Variants in OXR1 observed in about 807,000 individuals in gnomAD.
The protein encoded by OXR1 is oxidation resistance 1, also known as oxidation resistance protein 1.
In OXR1, 41 loss-of-function variants were observed where a neutral mutation model predicts 104.6. That is an observed-to-expected ratio of 0.39 (90% CI 0.31 to 0.51). The LOEUF (loss-of-function observed/expected upper bound fraction) is 0.51. OXR1 is among the 20% of genes least tolerant of loss of function. OXR1 has a pLI of 0.77. For synonymous variants in OXR1, 348 were observed against 348.4 expected (o/e 1.00, Z 0.01); for missense variants, 955 against 1,031.9 (o/e 0.93, Z 1.02).
intron 2 of OXR1, among the ~76,000 whole-genome samples, chr8:106,465,408 C>T (rs574565394): frequency 7.2e-5 from 11 of 152,050 alleles, no homozygotes; most frequent in African/African-American, 1.9e-4. Context: ...CAGAGACTTT[C>T]GCTTTAACAC....
chr8:106,394,695 G>A (rs1817709474), intron 2 of OXR1, among the ~76,000 whole-genome samples: 1 of 152,026 alleles, frequency 6.6e-6, no homozygotes, highest in Admixed American at 6.6e-5. Context: ...CTACATATTT[G>A]ACTTCACTTA....
intron 3 of OXR1, among the ~76,000 whole-genome samples, chr8:106,634,154 A>G (rs1355764862): frequency 6.6e-6 from 1 of 152,202 alleles, no homozygotes; most frequent in Admixed American, 6.5e-5. Context: ...AGATTTTTTG[A>G]AAGTCTTATT....
rs150957189 is a variant in OXR1 at position 106,712,033 on chromosome 8, C to T, written c.1793+1243C>T. Among the ~76,000 whole-genome samples, 38 of 152,120 alleles carry T rather than the reference C, an allele frequency of 2.5e-4. No homozygotes were observed. In the East Asian group the frequency reaches 5.8e-3, roughly 23 times the overall value. On this transcript the variant is annotated intron_variant, in intron 10 of 16. Transcript: ENST00000517566. Reference sequence around the variant, plus strand: ...TATCCATTGATAGATTAATATGTTTCATTGAAAGGATGAGATAGGACTCAG... The same window carrying T: ...TATCCATTGATAGATTAATATGTTTTATTGAAAGGATGAGATAGGACTCAG...
chr8:106,393,167 A>G (rs1817647119), intron 2 of OXR1, among the ~76,000 whole-genome samples: 1 of 152,174 alleles, frequency 6.6e-6, no homozygotes, highest in Non-Finnish European at 1.5e-5. Context: ...AACTCTAATT[A>G]ATCTCACAAA....
At chr8:106,456,792 C>T (rs1242458592) in intron 2 of OXR1, among the ~76,000 whole-genome samples, 6 of 152,174 alleles carry the variant, frequency 3.9e-5, no homozygotes, top group Admixed American at 2.0e-4. Context: ...CCCATGTCAA[C>T]CAAAGGAATG....
intron 7 of OXR1, chr8:106,697,412 C>A: frequency 2.1e-6 from 3 of 1,452,290 alleles, no homozygotes; most frequent in Non-Finnish European, 2.9e-6. Context: ...AGGGGCAAGG[C>A]CTGGGGTGGG....
intron 2 of OXR1, among the ~76,000 whole-genome samples, chr8:106,510,675 A>G (rs1376344493): frequency 6.6e-6 from 1 of 152,122 alleles, no homozygotes; most frequent in African/African-American, 2.4e-5. Context: ...GTTAAATTCA[A>G]CTACATTTAA....
rs537394192 is a variant in OXR1 at position 106,547,724 on chromosome 8, C to G, written c.220+28585C>G. Among the ~76,000 whole-genome samples, 116 of 152,176 alleles carry G rather than the reference C, an allele frequency of 7.6e-4. 1 individual carries two copies. Among genetic ancestry groups the G allele is most frequent in the Non-Finnish European group, 1.4e-3 (93 of 67,998 alleles). On this transcript the variant is annotated intron_variant, in intron 3 of 16. Transcript: ENST00000517566. ...GCCAGGCTGGTCTCGAACTACTGACCTCATCACCTGCCTCGTGGATCACCT... is the reference window on the plus strand; with the variant it reads ...GCCAGGCTGGTCTCGAACTACTGACGTCATCACCTGCCTCGTGGATCACCT...
chr8:106,302,914 G>A (rs77786213), intron 1 of OXR1, among the ~76,000 whole-genome samples: 45,266 of 151,358 alleles, frequency 0.3, 6,991 homozygotes, highest in East Asian at 0.56. Context: ...ACCAGGCCCG[G>A]CTAATTTTTT....
At chr8:106,291,442 T>C (rs1296292489) in intron 1 of OXR1, among the ~76,000 whole-genome samples, 1 of 152,152 alleles carries the variant, frequency 6.6e-6, no homozygotes, top group Non-Finnish European at 1.5e-5. Context: ...CCATTATAAA[T>C]GCAAGATTTG....
At chr8:106,671,623 G>A (rs893166166) in intron 3 of OXR1, among the ~76,000 whole-genome samples, 1 of 152,006 alleles carries the variant, frequency 6.6e-6, no homozygotes, top group Non-Finnish European at 1.5e-5. Context: ...ATACACCGTG[G>A]AATATTATGC....
At chr8:106,288,070 C>A (rs1439234429) in intron 1 of OXR1, among the ~76,000 whole-genome samples, 3 of 152,146 alleles carry the variant, frequency 2.0e-5, no homozygotes, top group Admixed American at 6.5e-5. Flanking sequence ...ATGGACACAC[C>A]CATGCAGAAT....
chr8:106,484,560 T>C (rs1822332246), intron 2 of OXR1, among the ~76,000 whole-genome samples: 1 of 151,946 alleles, frequency 6.6e-6, no homozygotes, highest in South Asian at 2.1e-4. Flanking sequence ...AATAAGCATA[T>C]GAAAAGACGC....
At chr8:106,465,500 T>G (rs978809015) in intron 2 of OXR1, among the ~76,000 whole-genome samples, 1 of 151,970 alleles carries the variant, frequency 6.6e-6, no homozygotes, top group Non-Finnish European at 1.5e-5. Flanking sequence ...TCATTTTAGA[T>G]GCAGTTTTAA....
intron 3 of OXR1, among the ~76,000 whole-genome samples, chr8:106,538,743 A>G (rs2130307133): frequency 6.6e-6 from 1 of 152,240 alleles, no homozygotes; most frequent in Non-Finnish European, 1.5e-5. Context: ...CAAACTCAAC[A>G]ATTGTGAATA....
At chr8:106,291,488 T>C (rs969512133) in intron 1 of OXR1, among the ~76,000 whole-genome samples, 8 of 152,120 alleles carry the variant, frequency 5.3e-5, no homozygotes, top group African/African-American at 1.9e-4. Context: ...TGGAAGTAAA[T>C]ATAAACAAAC....
At chr8:106,572,381 T>C (rs1817534409) in intron 3 of OXR1, among the ~76,000 whole-genome samples, 1 of 152,248 alleles carries the variant, frequency 6.6e-6, no homozygotes, top group Admixed American at 6.5e-5. Context: ...TTAGGCCACA[T>C]GTTTAGTGTT....
intron 3 of OXR1, among the ~76,000 whole-genome samples, chr8:106,607,955 C>A (rs16874889): frequency 5.3e-5 from 8 of 152,108 alleles, no homozygotes; most frequent in Non-Finnish European, 1.0e-4. Context: ...ACATTAGACC[C>A]GTCATTTGAC....
At chr8:106,465,825 G>A (rs184221226) in intron 2 of OXR1, among the ~76,000 whole-genome samples, 21 of 152,014 alleles carry the variant, frequency 1.4e-4, no homozygotes, top group Non-Finnish European at 2.1e-4. Context: ...GAACATAATG[G>A]CAGGATACTA....
Sources: allele counts gnomAD v4.1 joint callset (sites outside exome capture counted in the v4.1 genomes callset), GRCh38; gene constraint gnomAD v4.1.1; transcripts MANE v1.5; gene names NCBI Gene and HGNC (gene_info 2026-07-23, HGNC 2026-07-21).